Variants in CDH4 observed in about 807,000 individuals in gnomAD.
The protein encoded by CDH4 is cadherin 4, also known as cadherin-4.
Under a neutral mutation model 86.0 loss-of-function variants are expected in CDH4, and 33 were observed. The observed-to-expected ratio is 0.38, with a 90% CI of 0.29 to 0.51. The LOEUF (loss-of-function observed/expected upper bound fraction) is 0.51, where lower values mean the gene tolerates loss of function less well. CDH4 is among the 20% of genes least tolerant of loss of function. CDH4 has a pLI of 0.86. For missense variants in CDH4, 1,114 were observed against 1,307.4 expected (o/e 0.85, Z 2.28); for synonymous variants, 555 against 549.4 (o/e 1.01, Z -0.14).
At chr20:61,453,819 C>T (rs556016919) in intron 2 of CDH4, among the ~76,000 whole-genome samples, 21 of 152,274 alleles carry the variant, frequency 1.4e-4, no homozygotes, top group Non-Finnish European at 2.1e-4. Flanking sequence ...GGGAGGGACC[C>T]AGTGGGAGGT....
chr20:61,330,968 A>G (rs2084569440), intron 2 of CDH4, among the ~76,000 whole-genome samples: 1 of 152,082 alleles, frequency 6.6e-6, no homozygotes, highest in Admixed American at 6.5e-5. Flanking sequence ...ACAAGTTCCT[A>G]GAAGTGGAAT....
At chr20:61,749,061 A>G (rs114838718) in intron 3 of CDH4, among the ~76,000 whole-genome samples, 5,733 of 152,322 alleles carry the variant, frequency 0.038, 367 homozygotes, top group African/African-American at 0.13. Context: ...TGCAAGTACC[A>G]ATCAAAAGGA....
intron 2 of CDH4, among the ~76,000 whole-genome samples, chr20:61,711,718 C>G (rs930216520): frequency 3.9e-5 from 6 of 152,158 alleles, no homozygotes; most frequent in African/African-American, 1.4e-4. Context: ...TGGGGAGGGC[C>G]GTTATTCTGC....
chr20:61,540,210 C>G (rs1018779221), intron 2 of CDH4, among the ~76,000 whole-genome samples: 2 of 152,076 alleles, frequency 1.3e-5, no homozygotes, highest in South Asian at 4.1e-4. Flanking sequence ...TCGTCTTGAT[C>G]CAATTTTAGA....
At chr20:61,308,378 T>A (rs1213734083) in intron 2 of CDH4, among the ~76,000 whole-genome samples, 2 of 152,174 alleles carry the variant, frequency 1.3e-5, no homozygotes, top group Non-Finnish European at 2.9e-5. Context: ...GCTGATTGAA[T>A]TAGTGGGATC....
intron 4 of CDH4, among the ~76,000 whole-genome samples, chr20:61,823,917 A>C (rs1342430495): frequency 6.6e-6 from 1 of 152,236 alleles, no homozygotes; most frequent in African/African-American, 2.4e-5. Context: ...GGCTTTCTTT[A>C]TGTGTAAAAG....
chr20:61,649,102 T>C (rs1272090202), intron 2 of CDH4, among the ~76,000 whole-genome samples: 1 of 152,264 alleles, frequency 6.6e-6, no homozygotes, highest in East Asian at 1.9e-4. Context: ...CTGATAACAG[T>C]GATGGTCACA....
intron 2 of CDH4, among the ~76,000 whole-genome samples, chr20:61,264,192 A>G (rs937044357): frequency 1.3e-5 from 2 of 152,132 alleles, no homozygotes; most frequent in African/African-American, 4.8e-5. Context: ...GGAGTTTCCC[A>G]CTGGCTTCCG....
intron 2 of CDH4, among the ~76,000 whole-genome samples, chr20:61,314,306 T>A (rs2123228888): frequency 6.6e-6 from 1 of 152,362 alleles, no homozygotes; most frequent in African/African-American, 2.4e-5. Context: ...ACCATTGTTC[T>A]ATTCTCTGCT....
At chr20:61,262,200 G>A (rs915329188) in intron 2 of CDH4, among the ~76,000 whole-genome samples, 9 of 152,194 alleles carry the variant, frequency 5.9e-5, no homozygotes, top group Non-Finnish European at 8.8e-5. Flanking sequence ...CTGGCCAGCC[G>A]GGGCGGGGCT....
intron 2 of CDH4, among the ~76,000 whole-genome samples, chr20:61,397,861 A>G (rs1234902215): frequency 1.3e-5 from 2 of 152,290 alleles, no homozygotes; most frequent in Admixed American, 1.3e-4. Flanking sequence ...GAACCATGGT[A>G]CTGAAACTTT....
chr20:61,935,359 C>T (rs6089559), intron 15 of CDH4, among the ~76,000 whole-genome samples: 29,298 of 152,216 alleles, frequency 0.19, 3,248 homozygotes, highest in Middle Eastern at 0.28. Context: ...TACAACTGCC[C>T]ACGCAGAAGC....
intron 4 of CDH4, among the ~76,000 whole-genome samples, chr20:61,798,870 G>A (rs567467691): frequency 3.3e-4 from 50 of 152,296 alleles, no homozygotes; most frequent in African/African-American, 1.2e-3. Context: ...ACGTCGATGC[G>A]TCCTTTCCAA....
At chr20:61,277,138 C>T (rs1000074498) in intron 2 of CDH4, among the ~76,000 whole-genome samples, 19 of 152,328 alleles carry the variant, frequency 1.2e-4, no homozygotes, top group African/African-American at 4.1e-4. Flanking sequence ...TTTTGGCTGC[C>T]ACCTCTGACT....
At chr20:61,263,580 G>A (rs372909307) in intron 2 of CDH4, among the ~76,000 whole-genome samples, 3 of 152,192 alleles carry the variant, frequency 2.0e-5, no homozygotes, top group African/African-American at 7.2e-5. Flanking sequence ...GACTTTGTCT[G>A]TATGTTTTTA....
At chr20:61,928,531 TCCAAC>T in intron 12 of CDH4, 108 bp downstream of exon 12, 5 of 896,896 alleles carry the variant, frequency 5.6e-6, no homozygotes, top group Non-Finnish European at 8.8e-6. Context: ...GTGACAGTCC[TCCAAC>T]AGGACTGTCC....
intron 2 of CDH4, among the ~76,000 whole-genome samples, chr20:61,444,741 CTGTG>C (rs1201076850): frequency 8.7e-6 from 1 of 115,410 alleles, no homozygotes; most frequent in Admixed American, 8.7e-5. Context: ...GTGTGTTTCT[CTGTG>C]TGTGTCTGTG....
chr20:61,393,342 CG>C lies in CDH4; in HGVS notation c.169+138413del, dbSNP rs11480125. 7.3e-4 allele frequency among the ~76,000 whole-genome samples: 110 copies of C among 151,354 alleles called. No homozygotes were observed. The highest frequency in any genetic ancestry group is 3.4e-3 in the Middle Eastern group (1 of 292). ...TTCCAGTGGTGTGGGGGACAGCAGC[CG>C]GGGGGGGCCGGGGTCTTCCTTACCT... On this transcript the variant is annotated intron_variant, in intron 2 of 15. Coordinates refer to ENST00000614565, the MANE Select transcript of CDH4 (RefSeq NM_001794.5). This position sits in a 1 kb window ranked among gnomAD's most constrained non-coding sequence, Gnocchi z 4.3.
chr20:61,621,214 G>C (rs1296755013), intron 2 of CDH4, among the ~76,000 whole-genome samples: 1 of 152,196 alleles, frequency 6.6e-6, no homozygotes, highest in Admixed American at 6.5e-5. Context: ...ATGGACCGCG[G>C]TTCCGGTCAG....
Sources: gnomAD v4.1 joint callset for allele counts (sites outside exome capture counted in the v4.1 genomes callset) on GRCh38, gnomAD v4.1.1 for gene constraint, Gnocchi (gnomAD v3.1) non-coding constraint, MANE v1.5 for transcripts, NCBI Gene and HGNC (gene_info 2026-07-23, HGNC 2026-07-21) for gene names.